Variants in PLCG2 observed in about 807,000 individuals in gnomAD.
PLCG2 encodes 1-phosphatidylinositol 4,5-bisphosphate phosphodiesterase gamma-2.
In PLCG2, 69 loss-of-function variants were observed where a neutral mutation model predicts 175.6. The ratio of observed to expected loss-of-function variants is 0.39; its 90% CI spans 0.32 to 0.48. The LOEUF is 0.48. Ranked by LOEUF, PLCG2 falls within the 20% of genes least tolerant of loss-of-function variation. PLCG2 has a pLI of 0.91. For missense variants in PLCG2, 1,798 were observed against 1,650.9 expected (o/e 1.09, Z -1.54); for synonymous variants, 827 against 624.0 (o/e 1.33, Z -4.85).
chr16:81,859,139 C>T lies in PLCG2; in HGVS notation c.455C>T (p.Ser152Phe). The change falls in exon 5 of 33, where the codon TCT (serine) becomes TTT (phenylalanine). Residue 152 changes from serine to phenylalanine, a missense_variant. Physicochemically the swap from Ser to Phe is radical, Grantham distance 155. Coordinates refer to ENST00000564138, the MANE Select transcript of PLCG2 (RefSeq NM_002661.5). The part of the protein sequence containing the change: ...IESWLRKQIY[S>F]VDQTRRNSIS... ...AGTTGGCTGAGAAAGCAGATATATT[C>T]TGTGGATCAAACCAGAAGAAACAGG... The T allele has an allele frequency of 6.3e-7, 1 of 1,597,124 alleles. No homozygotes were observed. Among genetic ancestry groups the T allele is most frequent in the Non-Finnish European group, 8.6e-7 (1 of 1,164,530 alleles).
At chr16:81,833,372 T>C (rs1159199256) in intron 2 of PLCG2, among the ~76,000 whole-genome samples, 1 of 151,986 alleles carries the variant, frequency 6.6e-6, no homozygotes, top group East Asian at 1.9e-4. Context: ...GTGGCTCCGG[T>C]CGGTACACGG....
rs746040380 is a variant in PLCG2, at chr16:81,918,476, GT to G, written c.2055-1005del. Among the ~76,000 whole-genome samples, 5 of 152,098 alleles carry G rather than the reference GT, an allele frequency of 3.3e-5. No homozygotes were observed. The East Asian group carries it at 9.7e-4, about 29-fold the overall frequency. ...ATTCTTTTAATTTTTTTAAATCTAG[GT>G]TTCCCAACCCTACTTATTTAACAGA... is the stretch of plus-strand genomic sequence containing the variant. On this transcript the variant is annotated intron_variant, in intron 19 of 32. Coordinates refer to ENST00000564138, the MANE Select transcript of PLCG2 (RefSeq NM_002661.5).
intron 2 of PLCG2, among the ~76,000 whole-genome samples, chr16:81,846,493 C>T (rs1236174324): frequency 6.6e-6 from 1 of 152,234 alleles, no homozygotes; most frequent in Non-Finnish European, 1.5e-5. Flanking sequence ...CTGCCTAACA[C>T]AGAGTAGGTG....
At chr16:81,750,187 C>A (rs1909779448) in intron 1 of PLCG2, among the ~76,000 whole-genome samples, 1 of 152,116 alleles carries the variant, frequency 6.6e-6, no homozygotes, top group African/African-American at 2.4e-5. Context: ...GCGGACAGAT[C>A]ACCTCAGGCC....
intron 19 of PLCG2, among the ~76,000 whole-genome samples, chr16:81,914,320 C>T (rs930577929): frequency 6.6e-6 from 1 of 152,238 alleles, no homozygotes; most frequent in East Asian, 1.9e-4. Context: ...TACTCTCCAT[C>T]AGCTTCTGTC....
At chr16:81,768,276 T>G (rs1457978636) in intron 2 of PLCG2, among the ~76,000 whole-genome samples, 1 of 152,228 alleles carries the variant, frequency 6.6e-6, no homozygotes, top group Non-Finnish European at 1.5e-5. Context: ...GCTACTTCAC[T>G]GTATGAATGT....
In PLCG2 at chr16:81,807,839, A is replaced by C. The variant is rs983521178; in HGVS notation, c.193+21657A>C. ...CATGTGACATGGAGAAAGCAGGAGC[A>C]AGAGAGAGAGGGAGGGAGGTGCCAC... is the stretch of plus-strand genomic sequence containing the variant. On this transcript the variant is annotated intron_variant, in intron 2 of 32. Transcript: ENST00000564138. Among the ~76,000 whole-genome samples, 5 of 152,364 alleles carry C rather than the reference A, an allele frequency of 3.3e-5. No homozygotes were observed. In the South Asian group the frequency reaches 6.2e-4, roughly 19 times the overall value.
At chr16:81,955,841 C>T (rs1269387785) in intron 31 of PLCG2, among the ~76,000 whole-genome samples, 1 of 152,204 alleles carries the variant, frequency 6.6e-6, no homozygotes, top group African/African-American at 2.4e-5. Flanking sequence ...AGGTGAGGCA[C>T]ATGCCCATCT....
At chr16:81,883,545 T>C in intron 9 of PLCG2, 2 of 595,810 alleles carry the variant, frequency 3.4e-6, no homozygotes, top group Non-Finnish European at 6.0e-6. Context: ...ACTGAAACTC[T>C]GGATGAGAAG....
In PLCG2 at chr16:81,883,249, C is replaced by A; in HGVS notation, c.693-20C>A. The A allele has an allele frequency of 1.2e-6, 2 of 1,610,156 alleles. No individual in the cohort carries two copies. The highest frequency in any genetic ancestry group is 1.7e-6 in the Non-Finnish European group (2 of 1,176,398). On this transcript the variant is annotated intron_variant, in intron 8 of 32. Coordinates refer to ENST00000564138, the MANE Select transcript of PLCG2 (RefSeq NM_002661.5). Reference sequence around the variant, plus strand: ...TTGAATGTGTCTGTCTCTAACTGCACCCCCTTTCCCCGAGGATAGGAACAC... The same window carrying A: ...TTGAATGTGTCTGTCTCTAACTGCAACCCCTTTCCCCGAGGATAGGAACAC...
At chr16:81,784,259 C>T (rs1274065496) in intron 1 of PLCG2, among the ~76,000 whole-genome samples, 1 of 152,228 alleles carries the variant, frequency 6.6e-6, no homozygotes, top group Non-Finnish European at 1.5e-5. Context: ...CACCTCAGTG[C>T]CTGGCATAGA....
intron 2 of PLCG2, among the ~76,000 whole-genome samples, chr16:81,806,902 C>G (rs1406063367): frequency 1.3e-5 from 2 of 151,868 alleles, no homozygotes; most frequent in Non-Finnish European, 2.9e-5. Flanking sequence ...GGGGAGGAAG[C>G]AGGGGTCACA....
chr16:81,936,209 G>T lies in PLCG2; in HGVS notation c.2883G>T (p.Thr961=). ...GAGAAATCCGCTCCTTTGTGGAGAC[G>T]AAGGCTGACAGCATCATCAGACAGA... ...DFREIRSFVE[T]KADSIIRQKP... Residue 961 remains threonine, a synonymous_variant, in exon 27 of 33, where the codon ACG becomes ACT. Coordinates refer to ENST00000564138, the MANE Select transcript of PLCG2 (RefSeq NM_002661.5). The T allele has an allele frequency of 6.2e-7, 1 of 1,614,138 alleles. No individual in the cohort carries two copies. Among genetic ancestry groups the T allele is most frequent in the Non-Finnish European group, 8.5e-7 (1 of 1,180,024 alleles).
At chr16:81,906,091 A>G (rs1321831447) in intron 15 of PLCG2, 1 of 150,530 alleles carries the variant, frequency 6.6e-6, no homozygotes, top group Non-Finnish European at 1.5e-5. Flanking sequence ...TATTAATAAC[A>G]TCCTACATAA....
intron 2 of PLCG2, among the ~76,000 whole-genome samples, chr16:81,843,971 T>TTTTC (rs765032609): frequency 6.6e-6 from 1 of 151,920 alleles, no homozygotes; most frequent in South Asian, 2.1e-4. Flanking sequence ...TTTGTTTTCT[T>TTTTC]TTTCTTTCTT....
chr16:81,844,407 C>T (rs1409755579), intron 2 of PLCG2, among the ~76,000 whole-genome samples: 1 of 152,024 alleles, frequency 6.6e-6, no homozygotes, highest in African/African-American at 2.4e-5. Context: ...CCTCTGCACC[C>T]CCACAATGGG....
At chr16:81,766,474 TCCTCCTCTTCCTCCTCC>T (rs1322063080) in intron 2 of PLCG2, among the ~76,000 whole-genome samples, 1 of 220 alleles carries the variant, frequency 4.5e-3, no homozygotes, top group African/African-American at 9.6e-3. Flanking sequence ...CGCCTCCTCC[TCCTCCTCTTCCTCCTCC>T]TCCTCCTCTT....
intron 30 of PLCG2, 110 bp from the exon 31 acceptor site, chr16:81,946,065 A>C (rs962523229): frequency 1.3e-6 from 1 of 798,920 alleles, no homozygotes; most frequent in Non-Finnish European, 2.2e-6. Flanking sequence ...TGGGGCACTG[A>C]CTTCTCTACC....
intron 2 of PLCG2, among the ~76,000 whole-genome samples, chr16:81,810,218 T>G (rs1904305620): frequency 1.3e-5 from 2 of 152,286 alleles, no homozygotes; most frequent in South Asian, 4.1e-4. Context: ...TTCTATCTCT[T>G]GATTCTCGTG....
Sources: allele counts gnomAD v4.1 joint callset (sites outside exome capture counted in the v4.1 genomes callset), GRCh38; gene constraint gnomAD v4.1.1; transcripts MANE v1.5; gene names NCBI Gene and HGNC (gene_info 2026-07-23, HGNC 2026-07-21).